Variants in GRK7 observed in about 807,000 individuals in gnomAD.
GRK7 encodes the protein rhodopsin kinase GRK7.
GRK7 carries 24 observed loss-of-function variants against 34.1 expected under a neutral mutation model. That is an observed-to-expected ratio of 0.70 (90% confidence interval 0.51 to 0.99). The LOEUF is 0.99. Ranked by LOEUF, GRK7 falls within the 50% of genes least tolerant of loss-of-function variation. The pLI is 0.00. For synonymous variants in GRK7, 256 were observed against 279.4 expected, an observed-to-expected ratio of 0.92 and a Z score of 0.84; for missense variants, 644 against 707.3, an observed-to-expected ratio of 0.91 and a Z score of 1.02.
At chr3:141,785,571 C>T (rs2107881412) in intron 4 of GRK7, among the ~76,000 whole-genome samples, 1 of 152,268 alleles carries the variant, frequency 6.6e-6, no homozygotes, top group African/African-American at 2.4e-5. Flanking sequence ...CGAGACCAGC[C>T]TGGCCAACAT....
chr3:141,805,133 CAT>C (rs766638079), intron 4 of GRK7, among the ~76,000 whole-genome samples: 3 of 152,092 alleles, frequency 2.0e-5, no homozygotes, highest in Non-Finnish European at 4.4e-5. Context: ...GATACACACA[CAT>C]GCACACACTG....
chr3:141,783,193 T>C (rs2084679939), intron 4 of GRK7, among the ~76,000 whole-genome samples: 1 of 152,204 alleles, frequency 6.6e-6, no homozygotes, highest in African/African-American at 2.4e-5. Context: ...ATCCAACAGC[T>C]TTCACTTAGA....
At chr3:141,802,537 T>C (rs1054701171) in intron 4 of GRK7, among the ~76,000 whole-genome samples, 1 of 152,156 alleles carries the variant, frequency 6.6e-6, no homozygotes, top group African/African-American at 2.4e-5. Context: ...AATTTCATCA[T>C]ATTGGTGTAC....
At chr3:141,768,803 C>T (rs184042514) in intron 1 of GRK7, among the ~76,000 whole-genome samples, 5 of 152,232 alleles carry the variant, frequency 3.3e-5, no homozygotes, top group Admixed American at 1.3e-4. Context: ...TCTTTCTCCT[C>T]ATCATCTCAG....
the GRK7 span, among the ~76,000 whole-genome samples, chr3:141,756,226 C>T: frequency 6.6e-6 from 1 of 151,430 alleles, no homozygotes; most frequent in Non-Finnish European, 1.5e-5. Flanking sequence ...GCAAGAGAAT[C>T]GCTTGAACCC....
intron 2 of GRK7, among the ~76,000 whole-genome samples, chr3:141,777,865 A>G (rs73872326): frequency 0.065 from 9,856 of 152,144 alleles, 342 homozygotes; most frequent in South Asian, 0.11. Flanking sequence ...CTTGAGGCTG[A>G]TAGGAAACAA....
In GRK7 at chr3:141,769,413, C is replaced by T. The variant is rs149499418; in HGVS notation, c.-215+3675C>T. Among the ~76,000 whole-genome samples the T allele has an allele frequency of 2.9e-4, 44 of 152,294 alleles. No individual in the cohort carries two copies. In the East Asian group the frequency reaches 7.9e-3, roughly 27 times the overall value. ...TAACCTCTCATCTGGGCTTTCTGCA[C>T]CCACTCTATTCATAAAGCAGCAGCC... On this transcript the variant is annotated intron_variant, in intron 1 of 5. Coordinates refer to ENST00000682958, the MANE Select transcript of GRK7 (RefSeq NM_139209.3).
At chr3:141,799,821 C>T (rs754869507) in intron 4 of GRK7, among the ~76,000 whole-genome samples, 5 of 152,248 alleles carry the variant, frequency 3.3e-5, no homozygotes, top group Admixed American at 6.5e-5. Context: ...ATTATTATTT[C>T]CAATTTTTCT....
At chr3:141,776,503 CA>C (rs1456625920) in intron 2 of GRK7, among the ~76,000 whole-genome samples, 1 of 152,042 alleles carries the variant, frequency 6.6e-6, no homozygotes, top group Non-Finnish European at 1.5e-5. Context: ...GAAAAGTATC[CA>C]ACATTTCCCG....
chr3:141,780,637 G>T lies in GRK7; in HGVS notation c.876G>T (p.Arg292=), dbSNP rs773960286. 1.2e-6 allele frequency: 2 copies of T among 1,614,196 alleles called. No individual in the cohort carries two copies. Among genetic ancestry groups the T allele is most frequent in the Non-Finnish European group, 1.7e-6 (2 of 1,180,032 alleles). The change falls in exon 4 of 6, where the codon CGG becomes CGT. Residue 292 remains arginine, a synonymous_variant. Coordinates refer to ENST00000682958, the MANE Select transcript of GRK7 (RefSeq NM_139209.3). The stretch of plus-strand genomic sequence containing the variant: ...GCACGCGTGGCCTGGACATGAGCCG[G>T]GTGATCTTTTACTCGGCCCAGATAG... ...NVGTRGLDMS[R]VIFYSAQIAC... is the part of the protein sequence containing the mutation.
intron 4 of GRK7, among the ~76,000 whole-genome samples, chr3:141,797,317 C>T (rs1487666332): frequency 6.6e-6 from 1 of 152,178 alleles, no homozygotes; most frequent in Non-Finnish European, 1.5e-5. Context: ...TGCGGCGCTC[C>T]TGATTCTGCG....
intron 4 of GRK7, among the ~76,000 whole-genome samples, chr3:141,791,919 G>A (rs780636159): frequency 1.3e-5 from 2 of 150,200 alleles, no homozygotes; most frequent in Admixed American, 6.7e-5. Flanking sequence ...TAGGAGAATC[G>A]CTTGAACCCG....
the GRK7 span, among the ~76,000 whole-genome samples, chr3:141,755,389 A>G: frequency 1.1e-3 from 173 of 152,282 alleles, no homozygotes; most frequent in African/African-American, 4.1e-3. Context: ...TTACCCAGCA[A>G]TTTTATTTCT....
At chr3:141,770,636 G>A (rs2084612630) in intron 1 of GRK7, among the ~76,000 whole-genome samples, 1 of 151,562 alleles carries the variant, frequency 6.6e-6, no homozygotes, top group Non-Finnish European at 1.5e-5. Context: ...CATATAAATG[G>A]CCAACAAGCA....
At chr3:141,804,654 CACACACATACACATGCACAGAT>C (rs1012406272) in intron 4 of GRK7, among the ~76,000 whole-genome samples, 1 of 151,666 alleles carries the variant, frequency 6.6e-6, no homozygotes, top group African/African-American at 2.4e-5. Context: ...TGCACATATA[CACACACATACACATGCACAGAT>C]ACACACATAC....
In GRK7 at chr3:141,807,786, G is replaced by A. The variant is rs141435292; in HGVS notation, c.1192G>A (p.Val398Ile). ...ACCATTCAAAGATTACAAGGAAAAG[G>A]TCAGTAAAGAGGATCTGAAGCAAAG... ...RTPFKDYKEK[V>I]SKEDLKQRTL... is the part of the protein sequence containing the mutation. The change falls in exon 5 of 6, where the codon GTC (valine) becomes ATC (isoleucine). Residue 398 changes from valine (V) to isoleucine (I), a missense_variant. Transcript: ENST00000682958. 50 of 1,614,196 alleles carry A rather than the reference G, an allele frequency of 3.1e-5. No individual in the cohort carries two copies. The highest frequency in any genetic ancestry group is 4.5e-5 in the East Asian group (2 of 44,886).
chr3:141,775,289 A>C (rs189817555), intron 2 of GRK7, among the ~76,000 whole-genome samples: 2 of 152,068 alleles, frequency 1.3e-5, no homozygotes, highest in Non-Finnish European at 2.9e-5. Flanking sequence ...AGTCTCAGCT[A>C]CTTGGGAGAC....
intron 1 of GRK7, among the ~76,000 whole-genome samples, chr3:141,774,149 C>T (rs112991302): frequency 3.9e-5 from 6 of 152,290 alleles, no homozygotes; most frequent in Non-Finnish European, 7.4e-5. Context: ...AGAAAGTGTT[C>T]CAGCCGGGCA....
At chr3:141,784,854 T>C (rs1402626647) in intron 4 of GRK7, among the ~76,000 whole-genome samples, 1 of 152,140 alleles carries the variant, frequency 6.6e-6, no homozygotes, top group Non-Finnish European at 1.5e-5. Flanking sequence ...CCGCTGTGAA[T>C]AGATGAATGG....
Sources: allele counts gnomAD v4.1 joint callset (sites outside exome capture counted in the v4.1 genomes callset), GRCh38; gene constraint gnomAD v4.1.1; transcripts MANE v1.5; gene names NCBI Gene and HGNC (gene_info 2026-07-23, HGNC 2026-07-21).